The following DPRX variants were observed in gnomAD, a reference collection of about 807,000 sequenced individuals.
DPRX encodes the protein divergent paired-related homeobox.
DPRX carries 11 observed loss-of-function variants against 8.4 expected under a neutral mutation model. The ratio of observed to expected loss-of-function variants is 1.31; its 90% CI spans 0.82 to 2.17. The LOEUF (loss-of-function observed/expected upper bound fraction) is 2.17. DPRX is among the 30% of genes most tolerant of loss of function. The pLI is 0.00. For synonymous variants in DPRX, 72 were observed against 87.0 expected, an observed-to-expected ratio of 0.83 and a Z score of 0.96; for missense variants, 211 against 236.7, an observed-to-expected ratio of 0.89 and a Z score of 0.71.
the DPRX span, among the ~76,000 whole-genome samples, chr19:53,624,235 C>G: frequency 6.6e-6 from 1 of 150,396 alleles, no homozygotes; most frequent in Non-Finnish European, 1.5e-5. Context: ...TCACAGGTGC[C>G]CGCCACCACG....
chr19:53,623,833 C>G, the DPRX span, among the ~76,000 whole-genome samples: 1 of 151,304 alleles, frequency 6.6e-6, no homozygotes, highest in East Asian at 2.0e-4. Flanking sequence ...GCCTGTAATC[C>G]CAGTTACTCA....
intron 1 of DPRX, among the ~76,000 whole-genome samples, 191 bp downstream of exon 1, chr19:53,632,325 C>T (rs946274338): frequency 6.6e-6 from 1 of 151,986 alleles, no homozygotes; most frequent in African/African-American, 2.4e-5. Flanking sequence ...TCTTTTGAGA[C>T]AGTCTCACTC....
At chr19:53,626,948 T>G in the DPRX span, among the ~76,000 whole-genome samples, 1 of 151,990 alleles carries the variant, frequency 6.6e-6, no homozygotes, top group Non-Finnish European at 1.5e-5. Context: ...GTGATCTGCC[T>G]GCCTCGACCT....
upstream of DPRX, among the ~76,000 whole-genome samples, chr19:53,629,050 A>G (rs1460916507): frequency 6.6e-6 from 1 of 151,394 alleles, no homozygotes. Context: ...GCAGTGGCTC[A>G]CACCAGTAAT....
the DPRX span, among the ~76,000 whole-genome samples, chr19:53,624,911 C>G: frequency 5.0e-3 from 752 of 151,670 alleles, 22 homozygotes; most frequent in East Asian, 0.035. Flanking sequence ...CGGGCGTGTT[C>G]CCGGTGGTAT....
At chr19:53,626,984 G>A in the DPRX span, among the ~76,000 whole-genome samples, 3 of 152,172 alleles carry the variant, frequency 2.0e-5, no homozygotes, top group Admixed American at 6.6e-5. Flanking sequence ...TTGACTGCTC[G>A]TGGCCCCTCT....
chr19:53,636,686 G>C, exon 3 of DPRX: 1 of 1,614,086 alleles, frequency 6.2e-7, no homozygotes, highest in Non-Finnish European at 8.5e-7. Context: ...GCCAATACCA[G>C]AGGGTGGGGT....
At chr19:53,624,547 G>T in the DPRX span, among the ~76,000 whole-genome samples, 1 of 151,866 alleles carries the variant, frequency 6.6e-6, no homozygotes, top group African/African-American at 2.4e-5. Flanking sequence ...TGAGTAGTTG[G>T]GATTACAGGC....
chr19:53,632,195 G>T (rs372035695), intron 1 of DPRX, 61 bp downstream of exon 1: 17 of 1,612,460 alleles, frequency 1.1e-5, no homozygotes, highest in Non-Finnish European at 1.4e-5. Context: ...AGCAGCTGGC[G>T]GCGGGAAAAG....
chr19:53,604,736 C>T, the DPRX span, among the ~76,000 whole-genome samples: 21 of 151,326 alleles, frequency 1.4e-4, no homozygotes, highest in African/African-American at 4.6e-4. Flanking sequence ...CCAGCTACTC[C>T]GGAGGCTGAG....
the DPRX span, among the ~76,000 whole-genome samples, chr19:53,622,653 C>G: frequency 7.8e-3 from 1,182 of 152,122 alleles, 13 homozygotes; most frequent in African/African-American, 0.027. Flanking sequence ...TATCCATGCC[C>G]GCCAACTACC....
the DPRX span, among the ~76,000 whole-genome samples, chr19:53,618,361 G>C: frequency 6.6e-6 from 1 of 151,938 alleles, no homozygotes; most frequent in Non-Finnish European, 1.5e-5. Context: ...GCTTTAACTA[G>C]AGTGTGTGAT....
chr19:53,609,162 G>A, the DPRX span, among the ~76,000 whole-genome samples: 1 of 151,400 alleles, frequency 6.6e-6, no homozygotes, highest in Non-Finnish European at 1.5e-5. Context: ...AAACAACATG[G>A]TATTGGTATA....
chr19:53,622,700 C>T, the DPRX span, among the ~76,000 whole-genome samples: 3 of 152,172 alleles, frequency 2.0e-5, no homozygotes, highest in Middle Eastern at 3.4e-3. Context: ...GCCTGAAGAG[C>T]CCACAGTCAC....
At chr19:53,610,671 C>T in the DPRX span, among the ~76,000 whole-genome samples, 2 of 152,188 alleles carry the variant, frequency 1.3e-5, no homozygotes, top group South Asian at 2.1e-4. Flanking sequence ...GCCTGCAGCT[C>T]AGGATGGCTT....
the DPRX span, chr19:53,602,240 AT>A: frequency 2.5e-6 from 1 of 397,904 alleles, no homozygotes; most frequent in South Asian, 1.8e-5. Flanking sequence ...GCCACATCCT[AT>A]CCCCCAAACC....
chr19:53,618,739 G>A, the DPRX span, among the ~76,000 whole-genome samples: 15 of 148,674 alleles, frequency 1.0e-4, no homozygotes, highest in Non-Finnish European at 1.6e-4. Context: ...CTGGAGTGCA[G>A]TGGCACTATC....
chr19:53,611,702 C>T, the DPRX span, among the ~76,000 whole-genome samples: 2 of 152,238 alleles, frequency 1.3e-5, no homozygotes, highest in East Asian at 3.9e-4. Context: ...GTACGTTAAC[C>T]GAATAGTGAG....
At chr19:53,631,946 C>T, upstream of DPRX, 1 of 886,604 alleles carries the variant, frequency 1.1e-6, no homozygotes, top group Non-Finnish European at 1.8e-6. Flanking sequence ...ATCCAGGGGG[C>T]TCTGGAGGAC....
Sources: gnomAD v4.1 joint callset for allele counts (sites outside exome capture counted in the v4.1 genomes callset) on GRCh38, gnomAD v4.1.1 for gene constraint, MANE v1.5 for transcripts, NCBI Gene and HGNC (gene_info 2026-07-23, HGNC 2026-07-21) for gene names.